The following WWOX variants were observed in gnomAD, a reference collection of about 807,000 sequenced individuals.
WWOX encodes the protein WW domain containing oxidoreductase, also known as WW domain-containing oxidoreductase.
Under a neutral mutation model 46.2 loss-of-function variants are expected in WWOX, and 69 were observed. That is an observed-to-expected ratio of 1.49 (90% confidence interval 1.23 to 1.82). The LOEUF is 1.82. WWOX is among the 40% of genes most tolerant of loss of function. The pLI, the probability that WWOX is intolerant of heterozygous loss-of-function variation, is 0.00. For synonymous variants in WWOX, 359 were observed against 202.6 expected, an observed-to-expected ratio of 1.77 and a Z score of -6.56; for missense variants, 919 against 542.6, an observed-to-expected ratio of 1.69 and a Z score of -6.89.
intron 8 of WWOX, among the ~76,000 whole-genome samples, chr16:79,064,434 A>G (rs1405378464): frequency 6.6e-6 from 1 of 152,184 alleles, no homozygotes; most frequent in Non-Finnish European, 1.5e-5. Context: ...AATGCGTGAA[A>G]AGTGCTGACT....
chr16:78,507,997 C>CGTGTGTGT (rs959701013), intron 8 of WWOX, among the ~76,000 whole-genome samples: 6 of 31,018 alleles, frequency 1.9e-4, no homozygotes, highest in Admixed American at 6.1e-4. Flanking sequence ...TGGTTGCGTG[C>CGTGTGTGT]GTGTGTGTGT....
chr16:79,164,899 C>G (rs1423743837), intron 8 of WWOX, among the ~76,000 whole-genome samples: 2 of 152,108 alleles, frequency 1.3e-5, no homozygotes, highest in Non-Finnish European at 2.9e-5. Context: ...GGCAAACCCA[C>G]ACACCACAGA....
chr16:78,878,704 C>A (rs1325741892), intron 8 of WWOX, among the ~76,000 whole-genome samples: 1 of 151,868 alleles, frequency 6.6e-6, no homozygotes, highest in Non-Finnish European at 1.5e-5. Context: ...GACCCCTTTC[C>A]CTGCAACACC....
At chr16:79,022,406 T>C (rs1185243933) in intron 8 of WWOX, among the ~76,000 whole-genome samples, 1 of 151,742 alleles carries the variant, frequency 6.6e-6, no homozygotes, top group African/African-American at 2.4e-5. Flanking sequence ...ATCTGTTATT[T>C]CTTGGACATG....
chr16:78,721,042 G>A (rs1052611319), intron 8 of WWOX, among the ~76,000 whole-genome samples: 4 of 152,028 alleles, frequency 2.6e-5, no homozygotes. Flanking sequence ...ATTCTTATTA[G>A]TCTATAAGAT....
chr16:78,361,120 G>C (rs1395593171), intron 5 of WWOX, among the ~76,000 whole-genome samples: 3 of 152,114 alleles, frequency 2.0e-5, no homozygotes, highest in Admixed American at 1.3e-4. Flanking sequence ...ACTGCACCTG[G>C]CTTGGAGCAT....
chr16:78,462,833 C>A (rs1470370378), intron 8 of WWOX, among the ~76,000 whole-genome samples: 2 of 152,230 alleles, frequency 1.3e-5, no homozygotes, highest in Non-Finnish European at 2.9e-5. Flanking sequence ...ACTGGGGCAG[C>A]CACATAGACA....
At position 78,744,422 on chromosome 16, in the gene WWOX, C is replaced by CTTTTTTT. The variant is rs976073233; in HGVS notation, c.1056+311691_1056+311697dup. Reference sequence around the variant, plus strand: ...TAGGAAGGGCCCATGGTCCACACTGCTTTTTTTTTTTTTTTTTTTTTTTTT... The same window carrying CTTTTTTT: ...TAGGAAGGGCCCATGGTCCACACTGCTTTTTTTTTTTTTTTTTTTTTTTTTTTTTTTT... On this transcript the variant is annotated intron_variant, in intron 8 of 8. Transcript: ENST00000566780. Among the ~76,000 whole-genome samples, 47 of 82,238 alleles carry CTTTTTTT rather than the reference C, an allele frequency of 5.7e-4. 4 individuals are homozygous for CTTTTTTT. The highest frequency in any genetic ancestry group is 2.5e-3 in the African/African-American group (41 of 16,326). 54.0% of individuals were successfully genotyped at this position (82,238 alleles called of 152,430 possible). A position where few individuals can be genotyped will look rare whatever the true frequency, so the allele number is the denominator to read the frequency against.
rs369110620 is a variant in WWOX at position 78,940,576 on chromosome 16, G to T, written c.1057-271032G>T. ...CTTAATCCATTAGTACCTGAGTGGG[G>T]GTATATAGGTTTTCTCAAATGCTCT... On this transcript the variant is annotated intron_variant, in intron 8 of 8. Coordinates refer to ENST00000566780, the MANE Select transcript of WWOX (RefSeq NM_016373.4). Among the ~76,000 whole-genome samples the T allele has an allele frequency of 3.0e-4, 46 of 152,078 alleles. 2 individuals carry two copies. The South Asian group carries it at 9.2e-3, about 30-fold the overall frequency.
chr16:78,775,990 T>C (rs997679298), intron 8 of WWOX, among the ~76,000 whole-genome samples: 31 of 152,200 alleles, frequency 2.0e-4, no homozygotes, highest in African/African-American at 7.2e-4. Flanking sequence ...AGGTTTCTCA[T>C]TTATTTATTT....
At chr16:78,723,531 C>T (rs955983350) in intron 8 of WWOX, among the ~76,000 whole-genome samples, 1 of 151,844 alleles carries the variant, frequency 6.6e-6, no homozygotes, top group African/African-American at 2.4e-5. Context: ...TACTCCCACA[C>T]TTCTTCTACC....
At chr16:78,464,594 G>T (rs1007352513) in intron 8 of WWOX, among the ~76,000 whole-genome samples, 2 of 152,162 alleles carry the variant, frequency 1.3e-5, no homozygotes, top group African/African-American at 2.4e-5. Context: ...CAGGTTAGAG[G>T]CTATGTCAGA....
At chr16:79,209,557 C>T (rs1046194656) in intron 8 of WWOX, among the ~76,000 whole-genome samples, 1 of 152,174 alleles carries the variant, frequency 6.6e-6, no homozygotes, top group Non-Finnish European at 1.5e-5. Context: ...GATTCTCCCA[C>T]CACTCGGGAG....
chr16:78,140,202 G>T (rs1018735111), intron 4 of WWOX, among the ~76,000 whole-genome samples: 1 of 152,138 alleles, frequency 6.6e-6, no homozygotes, highest in African/African-American at 2.4e-5. Flanking sequence ...ATTTGAAGGG[G>T]TGCATGAGAG....
intron 8 of WWOX, among the ~76,000 whole-genome samples, chr16:79,030,359 A>G (rs2047728726): frequency 6.6e-6 from 1 of 152,180 alleles, no homozygotes; most frequent in Non-Finnish European, 1.5e-5. Flanking sequence ...TAGTTGCTGC[A>G]TTTTTCTAAA....
chr16:79,030,870 C>A (rs1364643342), intron 8 of WWOX, among the ~76,000 whole-genome samples: 1 of 151,976 alleles, frequency 6.6e-6, no homozygotes, highest in Non-Finnish European at 1.5e-5. Context: ...ATCGCTTGAG[C>A]CCAGGAGCTT....
chr16:78,772,411 AT>A (rs1422922655), intron 8 of WWOX, among the ~76,000 whole-genome samples: 3 of 152,078 alleles, frequency 2.0e-5, no homozygotes, highest in African/African-American at 2.4e-5. Context: ...CATGGTGTAT[AT>A]TCACTACTTT....
intron 8 of WWOX, among the ~76,000 whole-genome samples, chr16:78,840,810 T>C (rs1363517436): frequency 2.0e-5 from 3 of 150,288 alleles, no homozygotes; most frequent in Non-Finnish European, 4.5e-5. Context: ...AGTAGGTATA[T>C]ATATTTGTGG....
intron 8 of WWOX, among the ~76,000 whole-genome samples, chr16:78,504,978 A>G (rs151088138): frequency 6.6e-6 from 1 of 152,238 alleles, no homozygotes; most frequent in East Asian, 1.9e-4. Context: ...GTGTTTTTGT[A>G]TATGCTTATG....
Sources: allele counts gnomAD v4.1 joint callset (sites outside exome capture counted in the v4.1 genomes callset), GRCh38; gene constraint gnomAD v4.1.1; transcripts MANE v1.5; gene names NCBI Gene and HGNC (gene_info 2026-07-23, HGNC 2026-07-21).